CFAP299: variants seen among roughly 807,000 people sequenced by gnomAD.
CFAP299 encodes the protein cilia and flagella associated protein 299, also known as cilia- and flagella-associated protein 299.
CFAP299 carries 21 observed loss-of-function variants against 27.0 expected under a neutral mutation model. The observed-to-expected ratio is 0.78, with a 90% CI of 0.55 to 1.12. CFAP299 has a LOEUF of 1.12. Ranked by LOEUF, CFAP299 falls within the 50% of genes most tolerant of loss-of-function variation. The pLI, the probability that CFAP299 is intolerant of heterozygous loss-of-function variation, is 0.00. For missense variants in CFAP299, 310 were observed against 276.6 expected, an observed-to-expected ratio of 1.12 and a Z score of -0.86; for synonymous variants, 104 against 98.1, an observed-to-expected ratio of 1.06 and a Z score of -0.36.
At chr4:80,582,026 C>T (rs1199444479) in intron 2 of CFAP299, among the ~76,000 whole-genome samples, 4 of 151,750 alleles carry the variant, frequency 2.6e-5, no homozygotes, top group African/African-American at 4.8e-5. Context: ...CCTGGTTTCT[C>T]TCTCAATTCT....
intron 2 of CFAP299, among the ~76,000 whole-genome samples, chr4:80,399,507 G>T (rs1197286452): frequency 3.9e-5 from 6 of 151,942 alleles, no homozygotes; most frequent in Non-Finnish European, 5.9e-5. Context: ...AATACTATAC[G>T]GCCATAAAAA....
At chr4:80,581,202 C>T (rs1736143927) in intron 2 of CFAP299, among the ~76,000 whole-genome samples, 1 of 151,502 alleles carries the variant, frequency 6.6e-6, no homozygotes, top group South Asian at 2.1e-4. Context: ...AGAAGCTTAT[C>T]CTGTGAGCAG....
intron 2 of CFAP299, among the ~76,000 whole-genome samples, chr4:80,559,640 T>C (rs1415842389): frequency 6.6e-6 from 1 of 152,140 alleles, no homozygotes; most frequent in Non-Finnish European, 1.5e-5. Context: ...AGAAGCTGCA[T>C]TGTGTGGAGA....
chr4:80,765,506 C>G (rs1386414674), intron 3 of CFAP299, among the ~76,000 whole-genome samples: 1 of 151,668 alleles, frequency 6.6e-6, no homozygotes, highest in Non-Finnish European at 1.5e-5. Context: ...GTTTCAAAAA[C>G]TTAACAAAAT....
At chr4:80,544,694 C>T (rs1214857286) in intron 2 of CFAP299, among the ~76,000 whole-genome samples, 2 of 152,078 alleles carry the variant, frequency 1.3e-5, no homozygotes, top group African/African-American at 4.8e-5. Flanking sequence ...CACCCAACAT[C>T]GGAGCACCCA....
intron 4 of CFAP299, among the ~76,000 whole-genome samples, chr4:80,878,282 C>T (rs1258673480): frequency 2.0e-5 from 3 of 152,106 alleles, no homozygotes; most frequent in Non-Finnish European, 4.4e-5. Flanking sequence ...GATTGTTCCA[C>T]ATTCTGAACT....
intron 2 of CFAP299, among the ~76,000 whole-genome samples, chr4:80,438,652 T>C (rs189597373): frequency 9.6e-4 from 147 of 152,350 alleles, no homozygotes; most frequent in African/African-American, 3.2e-3. Flanking sequence ...TTTAACAAGC[T>C]GATTTAATTA....
chr4:80,853,157 A>G (rs558712527), intron 3 of CFAP299, among the ~76,000 whole-genome samples: 22 of 152,162 alleles, frequency 1.4e-4, no homozygotes, highest in Admixed American at 7.2e-4. Flanking sequence ...CAGCCTCCCA[A>G]GTAACTGGGA....
intron 3 of CFAP299, among the ~76,000 whole-genome samples, chr4:80,856,451 T>C (rs1223576841): frequency 6.6e-6 from 1 of 152,056 alleles, no homozygotes; most frequent in Non-Finnish European, 1.5e-5. Context: ...CCATTGCTTT[T>C]GGTATTTTAG....
chr4:80,390,156 C>T (rs892736498), intron 2 of CFAP299, among the ~76,000 whole-genome samples: 1 of 152,090 alleles, frequency 6.6e-6, no homozygotes, highest in Admixed American at 6.5e-5. Context: ...ACTTTCTTAG[C>T]ACATTTCAAG....
chr4:80,841,770 C>T (rs1002776651), intron 3 of CFAP299, among the ~76,000 whole-genome samples: 4 of 152,066 alleles, frequency 2.6e-5, no homozygotes, highest in Admixed American at 2.6e-4. Flanking sequence ...AGCTAAACCA[C>T]ATGAAAGATT....
chr4:80,419,353 G>A (rs4693699), intron 2 of CFAP299, among the ~76,000 whole-genome samples: 4 of 152,268 alleles, frequency 2.6e-5, no homozygotes, highest in Admixed American at 2.6e-4. Context: ...TAGTGCTTGG[G>A]AAGGGAGGAA....
chr4:80,953,431 C>A (rs1031428460), intron 5 of CFAP299, among the ~76,000 whole-genome samples: 1 of 152,144 alleles, frequency 6.6e-6, no homozygotes, highest in Non-Finnish European at 1.5e-5. Context: ...TGGGTAATCA[C>A]CTGGTATATC....
At chr4:80,343,662 G>T (rs552684885) in intron 1 of CFAP299, among the ~76,000 whole-genome samples, 1 of 151,792 alleles carries the variant, frequency 6.6e-6, no homozygotes, top group African/African-American at 2.4e-5. Context: ...GGTGGCGGGC[G>T]CCTGTAGTCC....
Position 80,782,534 on chromosome 4 carries a change from A to G in CFAP299, c.334-87459A>G, listed in dbSNP as rs1726942582. On this transcript the variant is annotated intron_variant, in intron 3 of 5. Transcript: ENST00000358105. ...TATAACATATTAATATATAATATAC[A>G]TATATGAATATATAACATATTGATA... is the stretch of plus-strand genomic sequence containing the variant. 2.1e-5 allele frequency among the ~76,000 whole-genome samples: 3 copies of G among 146,250 alleles called. No homozygotes were observed. The East Asian group carries it at 5.9e-4, about 29-fold the overall frequency.
chr4:80,388,742 T>C, intron 2 of CFAP299: 3 of 529,764 alleles, frequency 5.7e-6, no homozygotes, highest in South Asian at 5.9e-5. Flanking sequence ...TTTCTTATAA[T>C]TAATCAATAG....
At chr4:80,772,813 G>T (rs190301917) in intron 3 of CFAP299, among the ~76,000 whole-genome samples, 1 of 151,988 alleles carries the variant, frequency 6.6e-6, no homozygotes, top group African/African-American at 2.4e-5. Context: ...AACATGCAGC[G>T]TTTGGGAACC....
chr4:80,669,887 A>G (rs1484275567), intron 3 of CFAP299, among the ~76,000 whole-genome samples: 2 of 151,490 alleles, frequency 1.3e-5, no homozygotes, highest in African/African-American at 4.9e-5. Context: ...AGGGTTTTTT[A>G]TTATAAAAAA....
chr4:80,730,248 C>CTGTGTGTGTGTGTGTGTGTG (rs34594345), intron 3 of CFAP299, among the ~76,000 whole-genome samples: 4 of 130,874 alleles, frequency 3.1e-5, no homozygotes, highest in Non-Finnish European at 6.4e-5. Context: ...CTCTCTCTCT[C>CTGTGTGTGTGTGTGTGTGTG]TGTGTGTGTG....
Sources: allele counts gnomAD v4.1 joint callset (sites outside exome capture counted in the v4.1 genomes callset), GRCh38; gene constraint gnomAD v4.1.1; transcripts MANE v1.5; gene names NCBI Gene and HGNC (gene_info 2026-07-23, HGNC 2026-07-21).